Variants in CRISP1 observed in about 807,000 individuals in gnomAD.
CRISP1 encodes the protein cysteine rich secretory protein 1, also known as cysteine-rich secretory protein 1.
Under a neutral mutation model 33.1 loss-of-function variants are expected in CRISP1, and 44 were observed. That is an observed-to-expected ratio of 1.33 (90% CI 1.05 to 1.71). CRISP1 has a LOEUF of 1.71. Ranked by LOEUF, CRISP1 falls within the 40% of genes most tolerant of loss-of-function variation. The pLI is 0.00. For synonymous variants in CRISP1, 103 were observed against 98.7 expected, an observed-to-expected ratio of 1.04 and a Z score of -0.26; for missense variants, 390 against 301.2, an observed-to-expected ratio of 1.29 and a Z score of -2.18.
chr6:49,852,162 TC>T (rs778082210), intron 2 of CRISP1, 33 bp from the exon 3 acceptor site: 4 of 1,598,482 alleles, frequency 2.5e-6, no homozygotes, highest in Non-Finnish European at 3.4e-6. Context: ...TAGTGTTACT[TC>T]TTTTAAGTGG....
rs1263751413 is a variant in CRISP1 at position 49,848,242 on chromosome 6, T to C, written c.253A>G (p.Thr85Ala). ...ARIFSKYCDM[T>A]ESNPLERRLP... is the part of the protein sequence containing the mutation. Reference sequence around the variant, plus strand: ...CTCCTCTCAAGGGGGTTGCTCTCTGTCATATCACAATACTTTGAAAAAATT... The same window carrying C: ...CTCCTCTCAAGGGGGTTGCTCTCTGCCATATCACAATACTTTGAAAAAATT... The change falls in exon 4 of 8, where the codon ACA becomes GCA. Residue 85 changes from threonine (T) to alanine (A), a missense_variant. By Grantham distance (58) the Thr-to-Ala change is moderately conservative (BLOSUM62 0). Coordinates refer to ENST00000335847, the MANE Select transcript of CRISP1 (RefSeq NM_001131.3). The C allele has an allele frequency of 1.9e-6, 3 of 1,607,422 alleles. No individual in the cohort carries two copies. In the South Asian group the frequency reaches 3.3e-5, roughly 18 times the overall value.
chr6:49,855,918 A>G (rs939900620), intron 2 of CRISP1, among the ~76,000 whole-genome samples: 3 of 152,210 alleles, frequency 2.0e-5, no homozygotes, highest in African/African-American at 7.2e-5. Context: ...AGTTTATGTA[A>G]TAAATTTGTG....
Position 49,872,926 on chromosome 6 carries a change from A to G in CRISP1, c.-3+4083T>C, listed in dbSNP as rs569462028. 1.4e-3 allele frequency among the ~76,000 whole-genome samples: 209 copies of G among 152,150 alleles called. 4 individuals carry two copies. Among genetic ancestry groups the G allele is most frequent in the Non-Finnish European group, 6.2e-4 (42 of 67,996 alleles). ...TATGAACTTTAATGTAGTTTTTTCC[A>G]ATTCTGTGAAGAAAGTCATTGGTAG... On this transcript the variant is annotated intron_variant, in intron 1 of 7. Transcript: ENST00000505118.
chr6:49,836,054 A>G (rs1246731833), intron 7 of CRISP1, among the ~76,000 whole-genome samples: 1 of 152,168 alleles, frequency 6.6e-6, no homozygotes, highest in African/African-American at 2.4e-5. Context: ...CAAAATTTTA[A>G]ATTTGTGGCA....
chr6:49,869,683 T>C (rs2127479249), upstream of CRISP1, among the ~76,000 whole-genome samples: 1 of 152,266 alleles, frequency 6.6e-6, no homozygotes, highest in South Asian at 2.1e-4. Flanking sequence ...ATCCTTTCTT[T>C]CCCAGGAGTA....
intron 2 of CRISP1, among the ~76,000 whole-genome samples, chr6:49,854,532 A>T (rs1252864414): frequency 6.6e-6 from 1 of 152,148 alleles, no homozygotes. Flanking sequence ...ATTACTGGCT[A>T]CATGCTGCTT....
At chr6:49,861,266 C>T (rs1030615783) in intron 1 of CRISP1, among the ~76,000 whole-genome samples, 4 of 151,978 alleles carry the variant, frequency 2.6e-5, no homozygotes, top group African/African-American at 9.7e-5. Context: ...ACTCTGATAC[C>T]AAAACCAGAC....
At chr6:49,842,317 G>T (rs1335991750) in intron 5 of CRISP1, among the ~76,000 whole-genome samples, 1 of 152,128 alleles carries the variant, frequency 6.6e-6, no homozygotes, top group Non-Finnish European at 1.5e-5. Flanking sequence ...CCTGAAACAT[G>T]ATTTTAATAA....
chr6:49,862,865 G>T (rs1201754512), intron 1 of CRISP1, among the ~76,000 whole-genome samples: 1 of 150,590 alleles, frequency 6.6e-6, no homozygotes, highest in Non-Finnish European at 1.5e-5. Flanking sequence ...TTTGCTTGAG[G>T]TCTAAAATAG....
At chr6:49,852,345 G>A (rs1455685547) in intron 2 of CRISP1, among the ~76,000 whole-genome samples, 10 of 152,102 alleles carry the variant, frequency 6.6e-5, no homozygotes, top group Non-Finnish European at 1.5e-4. Flanking sequence ...TTAGTCTTCA[G>A]AATAATGCAC....
chr6:49,850,415 G>A (rs1771313133), intron 3 of CRISP1, among the ~76,000 whole-genome samples: 1 of 151,982 alleles, frequency 6.6e-6, no homozygotes, highest in Non-Finnish European at 1.5e-5. Context: ...ATTAAAGTTT[G>A]TATTTATGAT....
intron 2 of CRISP1, among the ~76,000 whole-genome samples, chr6:49,856,792 G>A (rs1047213586): frequency 7.9e-5 from 12 of 151,978 alleles, no homozygotes; most frequent in Admixed American, 1.3e-4. Context: ...ATCATTGAGT[G>A]TTCTACTTCT....
chr6:49,855,568 T>C (rs965414725), intron 2 of CRISP1, among the ~76,000 whole-genome samples: 3 of 152,144 alleles, frequency 2.0e-5, no homozygotes, highest in African/African-American at 7.2e-5. Context: ...AGATTGCAGG[T>C]ATACCGTGTG....
intron 1 of CRISP1, 130 bp downstream of exon 1, chr6:49,866,299 T>C (rs1771796657): frequency 6.6e-6 from 1 of 152,194 alleles, no homozygotes; most frequent in Non-Finnish European, 1.5e-5. Context: ...ACATTTACTT[T>C]TAGATAACAA....
At chr6:49,863,876 C>T (rs1256546200) in intron 1 of CRISP1, among the ~76,000 whole-genome samples, 1 of 152,208 alleles carries the variant, frequency 6.6e-6, no homozygotes, top group African/African-American at 2.4e-5. Flanking sequence ...TCTTCCTCAC[C>T]TCAGTGAATC....
At chr6:49,870,307 G>T (rs562245282), upstream of CRISP1, among the ~76,000 whole-genome samples, 8 of 152,276 alleles carry the variant, frequency 5.3e-5, no homozygotes, top group Middle Eastern at 3.4e-3. Flanking sequence ...TTGAGGGAGA[G>T]TTTAATGATG....
upstream of CRISP1, among the ~76,000 whole-genome samples, chr6:49,867,575 A>G (rs1354862627): frequency 6.6e-6 from 1 of 152,064 alleles, no homozygotes; most frequent in African/African-American, 2.4e-5. Flanking sequence ...GGAAATAAAA[A>G]TTAAAAGAAA....
chr6:49,858,497 A>G (rs1771555386), intron 1 of CRISP1, among the ~76,000 whole-genome samples: 1 of 152,198 alleles, frequency 6.6e-6, no homozygotes, highest in Non-Finnish European at 1.5e-5. Context: ...GATGTAGTTT[A>G]CCATTGCTCT....
At chr6:49,871,785 A>T (rs1210605001) in intron 1 of CRISP1, among the ~76,000 whole-genome samples, 1 of 151,890 alleles carries the variant, frequency 6.6e-6, no homozygotes, top group Admixed American at 6.6e-5. Flanking sequence ...ACATTTTCTT[A>T]ATCTGGTCTA....
Sources: gnomAD v4.1 joint callset for allele counts (sites outside exome capture counted in the v4.1 genomes callset) on GRCh38, gnomAD v4.1.1 for gene constraint, MANE v1.5 for transcripts, NCBI Gene and HGNC (gene_info 2026-07-23, HGNC 2026-07-21) for gene names.